Variants in EDARADD observed in about 807,000 individuals in gnomAD.
EDARADD encodes EDAR associated via death domain, also known as ectodysplasin-A receptor-associated adapter protein.
A neutral mutation model predicts 25.6 loss-of-function variants in EDARADD; 20 were observed. The observed-to-expected ratio is 0.78, with a 90% CI of 0.55 to 1.14. The LOEUF is 1.14. Ranked by LOEUF, EDARADD falls within the 50% of genes most tolerant of loss-of-function variation. EDARADD has a pLI of 0.00. For synonymous variants in EDARADD, 86 were observed against 94.4 expected (o/e 0.91, Z 0.52); for missense variants, 225 against 270.1 (o/e 0.83, Z 1.17).
chr1:236,419,536 G>A (rs1296936970), intron 3 of EDARADD, among the ~76,000 whole-genome samples: 1 of 152,244 alleles, frequency 6.6e-6, no homozygotes, highest in Admixed American at 6.5e-5. Flanking sequence ...ACGTTGGGCT[G>A]TGACGAATGA....
At chr1:236,479,140 C>T (rs1659594608) in intron 5 of EDARADD, among the ~76,000 whole-genome samples, 1 of 151,872 alleles carries the variant, frequency 6.6e-6, no homozygotes, top group South Asian at 2.1e-4. Flanking sequence ...AACCAAATAC[C>T]ACCTGTTCCT....
At chr1:236,479,899 T>C (rs1659621551) in intron 5 of EDARADD, among the ~76,000 whole-genome samples, 1 of 118,724 alleles carries the variant, frequency 8.4e-6, no homozygotes, top group African/African-American at 3.2e-5. Flanking sequence ...AATTTAAAAA[T>C]TGACTGAGTG....
At chr1:236,467,833 C>G (rs1163842802) in intron 4 of EDARADD, among the ~76,000 whole-genome samples, 3 of 151,916 alleles carry the variant, frequency 2.0e-5, no homozygotes, top group Non-Finnish European at 2.9e-5. Flanking sequence ...TCATAGCTCA[C>G]TGCAGCCTCC....
chr1:236,438,632 C>G (rs1658322442), intron 4 of EDARADD, among the ~76,000 whole-genome samples: 1 of 152,150 alleles, frequency 6.6e-6, no homozygotes, highest in Admixed American at 6.5e-5. Context: ...TTTTCCCACT[C>G]CCTGCAAATC....
In EDARADD at chr1:236,398,291, A is replaced by AT. The variant is rs1367022747; in HGVS notation, c.61+3792dup. 1.3e-5 allele frequency among the ~76,000 whole-genome samples: 2 copies of AT among 151,976 alleles called. No homozygotes were observed. The highest frequency in any genetic ancestry group is 2.4e-5 in the African/African-American group (1 of 41,364). ...AGGTGCACACTACCACACCTGGCTA[A>AT]TTTTTTGTATTTTTAGGCTGGTCTC... is the stretch of plus-strand genomic sequence containing the variant. On this transcript the variant is annotated intron_variant, in intron 1 of 5. Transcript: ENST00000334232. This position sits in a 1 kb window ranked among gnomAD's most constrained non-coding sequence, Gnocchi z 4.1.
rs1480989591 is a variant in EDARADD, at chr1:236,395,553, C to T, written c.61+1048C>T. ...TCGGAACCGCAGGACTTTTCATCCC[C>T]GTGGTCCCACGGTCCTCCCGCGCCC... is the stretch of plus-strand genomic sequence containing the variant. On this transcript the variant is annotated intron_variant, in intron 1 of 5. Coordinates refer to ENST00000334232, the MANE Select transcript of EDARADD (RefSeq NM_145861.4). This position sits in a 1 kb window ranked among gnomAD's most constrained non-coding sequence, Gnocchi z 6.9. 1.6e-5 allele frequency: 24 copies of T among 1,540,604 alleles called. No homozygotes were observed. In the East Asian group the frequency reaches 5.1e-4, roughly 33 times the overall value.
At chr1:236,474,408 G>C (rs1356713662) in intron 5 of EDARADD, among the ~76,000 whole-genome samples, 1 of 152,134 alleles carries the variant, frequency 6.6e-6, no homozygotes, top group East Asian at 1.9e-4. Flanking sequence ...TAAATGACTT[G>C]ATGTGGTGTG....
At chr1:236,466,041 T>TA (rs1659176666) in intron 4 of EDARADD, among the ~76,000 whole-genome samples, 1 of 152,176 alleles carries the variant, frequency 6.6e-6, no homozygotes, top group Admixed American at 6.5e-5. Flanking sequence ...AGTTTCTACT[T>TA]AGAGTCAGGT....
intron 5 of EDARADD, among the ~76,000 whole-genome samples, chr1:236,479,195 G>C (rs972609143): frequency 6.6e-6 from 1 of 151,602 alleles, no homozygotes; most frequent in Non-Finnish European, 1.5e-5. Flanking sequence ...AAAGTACCCT[G>C]GAAAAAAAAT....
chr1:236,361,464 GAATTA>G (rs1361878394), intron 3 of EDARADD, among the ~76,000 whole-genome samples: 1 of 151,700 alleles, frequency 6.6e-6, no homozygotes, highest in African/African-American at 2.4e-5. Flanking sequence ...CGAGTAACTG[GAATTA>G]CAGGTGCCCA....
intron 1 of EDARADD, among the ~76,000 whole-genome samples, chr1:236,405,740 T>TCTTC (rs1558112286): frequency 2.2e-5 from 1 of 44,718 alleles, no homozygotes; most frequent in East Asian, 3.3e-4. Flanking sequence ...TTTCTTTCTT[T>TCTTC]CTTTCTTTCT....
At chr1:236,408,187 T>C (rs1667771212) in intron 1 of EDARADD, among the ~76,000 whole-genome samples, 1 of 151,560 alleles carries the variant, frequency 6.6e-6, no homozygotes, top group Admixed American at 6.6e-5. Context: ...ATGTAGTTAC[T>C]TTTTATATTT....
At chr1:236,471,614 A>G (rs1353548840) in intron 5 of EDARADD, among the ~76,000 whole-genome samples, 1 of 152,006 alleles carries the variant, frequency 6.6e-6, no homozygotes, top group Non-Finnish European at 1.5e-5. Flanking sequence ...TTATTTCAGA[A>G]CCATAATACT....
At chr1:236,400,392 T>C (rs1667593423) in intron 1 of EDARADD, among the ~76,000 whole-genome samples, 1 of 152,050 alleles carries the variant, frequency 6.6e-6, no homozygotes, top group Non-Finnish European at 1.5e-5. Flanking sequence ...CTTTCCCAGC[T>C]TGTTCAGCCC....
At chr1:236,376,509 A>C in intron 3 of EDARADD, among the ~76,000 whole-genome samples, 1 of 151,906 alleles carries the variant, frequency 6.6e-6, no homozygotes, top group East Asian at 1.9e-4. Flanking sequence ...TCTTGCTTAC[A>C]TGATTTCTGA....
chr1:236,414,218 TG>T, intron 2 of EDARADD, 41 bp from the exon 3 acceptor site: 1 of 1,534,006 alleles, frequency 6.5e-7, no homozygotes, highest in Non-Finnish European at 9.0e-7. Context: ...TGATCTTACA[TG>T]GCATTTAAAA....
chr1:236,395,765 G>A lies in EDARADD; in HGVS notation c.61+1260G>A. 5 of 1,324,980 alleles carry A rather than the reference G, an allele frequency of 3.8e-6. No individual in the cohort carries two copies. Among genetic ancestry groups the A allele is most frequent in the Non-Finnish European group, 5.0e-6 (5 of 993,772 alleles). 82.1% of individuals were successfully genotyped at this position (1,324,980 alleles called of 1,614,324 possible). On this transcript the variant is annotated intron_variant, in intron 1 of 5. Transcript: ENST00000334232. The surrounding 1 kb of genome is among the most constrained non-coding windows in gnomAD (Gnocchi z 6.9). ...AGGGCTATCGAGGCCGGGCCTCGGC[G>A]ACCCCCGAGGGAGGCCCGGGAACCA...
chr1:236,482,589 C>T lies in EDARADD; in HGVS notation c.588C>T (p.Arg196=). The part of the protein sequence containing the change: ...YHRADVEKVL[R]RWVDEEWPKR... ...GGGCCGACGTGGAGAAGGTTCTGCG[C>T]AGGTGGGTGGACGAGGAGTGGCCCA... Residue 196 remains arginine, a synonymous_variant, in exon 6 of 6, where the codon CGC becomes CGT. Transcript: ENST00000334232. 1 of 1,613,052 alleles carries T rather than the reference C, an allele frequency of 6.2e-7. No homozygotes were observed. The highest frequency in any genetic ancestry group is 8.5e-7 in the Non-Finnish European group (1 of 1,180,018).
At chr1:236,393,536 C>CCACCA (rs1667460083), upstream of EDARADD, among the ~76,000 whole-genome samples, 2 of 151,970 alleles carry the variant, frequency 1.3e-5, no homozygotes, top group South Asian at 4.2e-4. Flanking sequence ...GCTGGGAGTA[C>CCACCA]AGGCATGTGC....
Sources: allele counts gnomAD v4.1 joint callset (sites outside exome capture counted in the v4.1 genomes callset), GRCh38; gene constraint gnomAD v4.1.1; non-coding constraint Gnocchi (gnomAD v3.1); transcripts MANE v1.5; gene names NCBI Gene and HGNC (gene_info 2026-07-23, HGNC 2026-07-21).